The following NAALADL2 variants were observed in gnomAD, a reference collection of about 807,000 sequenced individuals.
NAALADL2 encodes the protein inactive N-acetylated-alpha-linked acidic dipeptidase-like protein 2.
A neutral mutation model predicts 87.2 loss-of-function variants in NAALADL2; 76 were observed. The ratio of observed to expected loss-of-function variants is 0.87; its 90% CI spans 0.72 to 1.05. The LOEUF is 1.05. NAALADL2 is among the 50% of genes least tolerant of loss of function. NAALADL2 has a pLI of 0.00. For synonymous variants in NAALADL2, 354 were observed against 331.0 expected (o/e 1.07, Z -0.75); for missense variants, 1,089 against 945.8 (o/e 1.15, Z -1.99).
At chr3:174,971,399 C>T (rs1476459304) in intron 1 of NAALADL2, among the ~76,000 whole-genome samples, 1 of 152,250 alleles carries the variant, frequency 6.6e-6, no homozygotes, top group Non-Finnish European at 1.5e-5. Flanking sequence ...CTTAAAGATG[C>T]CAAAATAAGT....
chr3:174,995,949 A>G lies in NAALADL2; in HGVS notation c.44-100841A>G, dbSNP rs1482498693. On this transcript the variant is annotated intron_variant, in intron 1 of 13. Coordinates refer to ENST00000454872, the MANE Select transcript of NAALADL2 (RefSeq NM_207015.3). ...TGAACTGGAGACAGTTTCACTTACTATGTGTCCAAGGATAAGGAGAGTCAG... is the reference window on the plus strand; with the variant it reads ...TGAACTGGAGACAGTTTCACTTACTGTGTGTCCAAGGATAAGGAGAGTCAG... Among the ~76,000 whole-genome samples, 3 of 152,288 alleles carry G rather than the reference A, an allele frequency of 2.0e-5. No homozygotes were observed. In the East Asian group the frequency reaches 5.8e-4, roughly 30 times the overall value.
At chr3:175,440,313 T>C (rs775697981) in intron 5 of NAALADL2, among the ~76,000 whole-genome samples, 4 of 152,192 alleles carry the variant, frequency 2.6e-5, no homozygotes, top group Admixed American at 6.6e-5. Context: ...TGAAGTCAGG[T>C]AAGGTAATGC....
At chr3:174,837,168 G>A (rs1301591572) in intron 3 of NAALADL2, among the ~76,000 whole-genome samples, 2 of 151,608 alleles carry the variant, frequency 1.3e-5, no homozygotes, top group Non-Finnish European at 2.9e-5. Flanking sequence ...AAATGAAATT[G>A]AAACAAAAAA....
intron 1 of NAALADL2, among the ~76,000 whole-genome samples, chr3:174,965,913 T>C (rs528725853): frequency 2.0e-5 from 3 of 152,124 alleles, no homozygotes; most frequent in Admixed American, 1.3e-4. Flanking sequence ...GGGGATTTGA[T>C]GATAGAGGAA....
At chr3:175,435,944 C>T (rs1718575704) in intron 5 of NAALADL2, among the ~76,000 whole-genome samples, 1 of 148,770 alleles carries the variant, frequency 6.7e-6, no homozygotes, top group Non-Finnish European at 1.5e-5. Context: ...TGGTGCCCTG[C>T]ACCCACTAAC....
At chr3:174,782,439 C>G (rs188429015) in intron 3 of NAALADL2, among the ~76,000 whole-genome samples, 78 of 150,626 alleles carry the variant, frequency 5.2e-4, no homozygotes, top group Non-Finnish European at 9.3e-4. Context: ...CCAATATTTG[C>G]CTTAACACAA....
At chr3:174,636,835 A>G (rs1451144598) in intron 2 of NAALADL2, among the ~76,000 whole-genome samples, 1 of 152,176 alleles carries the variant, frequency 6.6e-6, no homozygotes, top group Non-Finnish European at 1.5e-5. Context: ...ATCCAAAGGA[A>G]AATACATCAG....
intron 10 of NAALADL2, among the ~76,000 whole-genome samples, chr3:175,613,223 CTTAACGTTATGGTACTAATTCCT>C (rs1220160767): frequency 6.6e-6 from 1 of 152,192 alleles, no homozygotes; most frequent in Non-Finnish European, 1.5e-5. Context: ...CATTTAATGA[CTTAACGTTATGGTACTAATTCCT>C]TTACTAAACA....
chr3:175,134,610 C>T (rs1027561992), intron 2 of NAALADL2, among the ~76,000 whole-genome samples: 1 of 152,116 alleles, frequency 6.6e-6, no homozygotes, highest in African/African-American at 2.4e-5. Context: ...GTAAAAAATA[C>T]AGCAGAGTAT....
At chr3:175,799,266 T>G (rs536441395) in intron 13 of NAALADL2, among the ~76,000 whole-genome samples, 1 of 152,220 alleles carries the variant, frequency 6.6e-6, no homozygotes, top group East Asian at 1.9e-4. Flanking sequence ...ATGATTAATT[T>G]TTTAATTATA....
intron 2 of NAALADL2, among the ~76,000 whole-genome samples, chr3:175,232,190 G>T (rs546232094): frequency 7.1e-6 from 1 of 140,692 alleles, no homozygotes; most frequent in South Asian, 2.3e-4. Flanking sequence ...GCAAGAGGAA[G>T]AGGAAGAAGA....
intron 1 of NAALADL2, among the ~76,000 whole-genome samples, chr3:175,074,333 T>C (rs1477189656): frequency 6.6e-6 from 1 of 152,114 alleles, no homozygotes; most frequent in African/African-American, 2.4e-5. Flanking sequence ...ATGTAAGTTA[T>C]TTTAGGCCAG....
intron 1 of NAALADL2, among the ~76,000 whole-genome samples, chr3:175,063,599 C>T (rs1185450475): frequency 2.0e-5 from 3 of 152,066 alleles, no homozygotes; most frequent in Non-Finnish European, 2.9e-5. Context: ...GCCTTAGCCT[C>T]CCCAGTAGTT....
intron 1 of NAALADL2, among the ~76,000 whole-genome samples, chr3:174,501,406 G>A (rs1032556484): frequency 2.6e-5 from 4 of 152,096 alleles, no homozygotes; most frequent in African/African-American, 9.7e-5. Flanking sequence ...GATAGTAGTA[G>A]GTTAATGCTG....
chr3:174,740,058 C>T (rs1317012461), intron 3 of NAALADL2, among the ~76,000 whole-genome samples: 1 of 151,880 alleles, frequency 6.6e-6, no homozygotes, highest in East Asian at 1.9e-4. Context: ...TCAAAAAGTG[C>T]CAGTGTGATT....
At chr3:174,560,815 G>A (rs1713511769) in intron 2 of NAALADL2, among the ~76,000 whole-genome samples, 1 of 152,098 alleles carries the variant, frequency 6.6e-6, no homozygotes, top group Non-Finnish European at 1.5e-5. Context: ...ATCTTAGTCT[G>A]CTTTCAGGTG....
chr3:175,713,132 A>G lies in NAALADL2; in HGVS notation c.1897-24174A>G, dbSNP rs2150006807. On this transcript the variant is annotated intron_variant, in intron 11 of 13. Coordinates refer to ENST00000454872, the MANE Select transcript of NAALADL2 (RefSeq NM_207015.3). Reference sequence around the variant, plus strand: ...TCAAACTGTGATTTTATTTTCATATAAAAACTCTGAATTAGTAGATTTTCC... The same window carrying G: ...TCAAACTGTGATTTTATTTTCATATGAAAACTCTGAATTAGTAGATTTTCC... Among the ~76,000 whole-genome samples the G allele has an allele frequency of 2.0e-5, 3 of 152,246 alleles. No individual in the cohort carries two copies. The South Asian group carries it at 6.2e-4, about 32-fold the overall frequency.
chr3:174,957,114 G>A (rs1399149996), intron 1 of NAALADL2, among the ~76,000 whole-genome samples: 2 of 151,762 alleles, frequency 1.3e-5, no homozygotes, highest in Admixed American at 6.6e-5. Context: ...GTCAGTTTAG[G>A]CCCCAGAACT....
chr3:174,884,115 C>A (rs1729767422), intron 1 of NAALADL2, among the ~76,000 whole-genome samples: 1 of 152,114 alleles, frequency 6.6e-6, no homozygotes, highest in African/African-American at 2.4e-5. Context: ...CGGCATTCCT[C>A]CCTCTGGAAC....
Sources: gnomAD v4.1 joint callset for allele counts (sites outside exome capture counted in the v4.1 genomes callset) on GRCh38, gnomAD v4.1.1 for gene constraint, MANE v1.5 for transcripts, NCBI Gene and HGNC (gene_info 2026-07-23, HGNC 2026-07-21) for gene names.